Variants in NUDCD3 observed in about 807,000 individuals in gnomAD.
NUDCD3 encodes nudC domain-containing protein 3.
In NUDCD3, 13 loss-of-function variants were observed where a neutral mutation model predicts 39.7. That is an observed-to-expected ratio of 0.33 (90% CI 0.21 to 0.52). The LOEUF (loss-of-function observed/expected upper bound fraction) is 0.52. Among genes scored for constraint, NUDCD3 ranks in the 20% least tolerant of loss-of-function variants. NUDCD3 has a pLI of 0.96. For synonymous variants in NUDCD3, 175 were observed against 172.4 expected (o/e 1.02, Z -0.12); for missense variants, 453 against 458.1 (o/e 0.99, Z 0.10).
At position 44,440,496 on chromosome 7, in the gene NUDCD3, G is replaced by GAAAAAAAAAAAAAAAAAAAAAAAAAAA. The variant is rs72065068; in HGVS notation, c.510-12794_510-12793insTTTTTTTTTTTTTTTTTTTTTTTTTTT. ...AACTAGTGAGAAAACCAGAAAAATT[G>GAAAAAAAAAAAAAAAAAAAAAAAAAAA]AAAAAAAAAAAAAAAAAAAAGCCTG... On this transcript the variant is annotated intron_variant, in intron 2 of 5. Transcript: ENST00000355451. Among the ~76,000 whole-genome samples, 25 of 48,384 alleles carry GAAAAAAAAAAAAAAAAAAAAAAAAAAA rather than the reference G, an allele frequency of 5.2e-4. 2 individuals carry two copies. Among genetic ancestry groups the GAAAAAAAAAAAAAAAAAAAAAAAAAAA allele is most frequent in the South Asian group, 8.8e-4 (1 of 1,136 alleles). 31.7% of individuals were successfully genotyped at this position (48,384 alleles called of 152,430 possible).
At chr7:44,469,929 C>T (rs1800218454) in intron 2 of NUDCD3, among the ~76,000 whole-genome samples, 1 of 151,914 alleles carries the variant, frequency 6.6e-6, no homozygotes, top group African/African-American at 2.4e-5. Flanking sequence ...ATAAAGGAGA[C>T]TGAAGAGAGA....
At chr7:44,426,136 A>T (rs780847130) in intron 3 of NUDCD3, 3 of 985,474 alleles carry the variant, frequency 3.0e-6, no homozygotes, top group Non-Finnish European at 3.6e-6. Flanking sequence ...TGGGGCTTCA[A>T]TGGGTCTCAC....
chr7:44,478,596 C>A (rs542214114), intron 2 of NUDCD3, among the ~76,000 whole-genome samples: 6 of 152,142 alleles, frequency 3.9e-5, no homozygotes, highest in Non-Finnish European at 7.4e-5. Context: ...GGGGTGGGGG[C>A]ATTTCTGATC....
chr7:44,435,002 G>A, intron 2 of NUDCD3, among the ~76,000 whole-genome samples: 1 of 152,208 alleles, frequency 6.6e-6, no homozygotes, highest in Non-Finnish European at 1.5e-5. Flanking sequence ...AGAACTCACT[G>A]AGCAGCTTTT....
rs116819801 is a variant in NUDCD3, at chr7:44,483,670, C to T, written c.509+1298G>A. ...TGGACTTTAAGACTCTGCAATCTTG[C>T]CCCTCCTGTCTTTACAAAACTTATT... On this transcript the variant is annotated intron_variant, in intron 2 of 5. Transcript: ENST00000355451. 2.3e-3 allele frequency among the ~76,000 whole-genome samples: 350 copies of T among 152,256 alleles called. 3 individuals carry two copies. The highest frequency in any genetic ancestry group is 8.3e-3 in the African/African-American group (346 of 41,538).
intron 2 of NUDCD3, among the ~76,000 whole-genome samples, chr7:44,430,568 ACT>A (rs1554491041): frequency 0.029 from 3,691 of 128,074 alleles, 58 homozygotes; most frequent in Non-Finnish European, 0.038. Context: ...ACACACACAC[ACT>A]CACACACACA....
Position 44,385,980 on chromosome 7 carries a change from C to A in NUDCD3, c.*31G>T. The A allele has an allele frequency of 8.8e-7, 1 of 1,131,032 alleles. No homozygotes were observed. The highest frequency in any genetic ancestry group is 1.4e-6 in the Non-Finnish European group (1 of 739,948). The allele number at this position is 1,131,032 out of a possible 1,614,324, so 70.1% of individuals were successfully genotyped here. On this transcript the variant is annotated 3_prime_UTR_variant, in exon 6 of 6. Coordinates refer to ENST00000355451, the MANE Select transcript of NUDCD3 (RefSeq NM_015332.4). Reference sequence around the variant, plus strand: ...AGCCGAGGATAAGGCTCTGCCTCCCCACCGGCGAGGGTTTCCTTTCCTTCT... The same window carrying A: ...AGCCGAGGATAAGGCTCTGCCTCCCAACCGGCGAGGGTTTCCTTTCCTTCT...
chr7:44,483,401 A>AT (rs1475125769), intron 2 of NUDCD3, among the ~76,000 whole-genome samples: 6 of 152,210 alleles, frequency 3.9e-5, no homozygotes, highest in African/African-American at 9.7e-5. Context: ...AAATAAAGGC[A>AT]TTTTCAGACA....
intron 2 of NUDCD3, among the ~76,000 whole-genome samples, chr7:44,433,487 ATGTG>A (rs1437921235): frequency 6.6e-6 from 1 of 151,538 alleles, no homozygotes; most frequent in African/African-American, 2.4e-5. Flanking sequence ...TGTGCATGCA[ATGTG>A]TGTGTGGTGC....
intron 2 of NUDCD3, among the ~76,000 whole-genome samples, chr7:44,449,317 G>A (rs1276228835): frequency 6.6e-6 from 1 of 152,200 alleles, no homozygotes; most frequent in African/African-American, 2.4e-5. Context: ...TCAAATATCA[G>A]AGGAGATCAA....
chr7:44,393,154 C>A (rs987572718), intron 4 of NUDCD3, among the ~76,000 whole-genome samples: 1 of 152,026 alleles, frequency 6.6e-6, no homozygotes, highest in African/African-American at 2.4e-5. Context: ...AGCCCCATTC[C>A]CTAAAGTTCT....
intron 3 of NUDCD3, among the ~76,000 whole-genome samples, chr7:44,421,848 C>A (rs1045616763): frequency 1.3e-5 from 2 of 152,142 alleles, no homozygotes; most frequent in African/African-American, 4.8e-5. Context: ...CTTCTCAGCA[C>A]CACATAGCAC....
At chr7:44,438,526 T>G (rs765649448) in intron 2 of NUDCD3, among the ~76,000 whole-genome samples, 1 of 152,062 alleles carries the variant, frequency 6.6e-6, no homozygotes, top group Non-Finnish European at 1.5e-5. Flanking sequence ...CTTGTAGACG[T>G]TGCACCAATC....
intron 2 of NUDCD3, among the ~76,000 whole-genome samples, chr7:44,428,621 A>G (rs1303416999): frequency 6.6e-6 from 1 of 152,224 alleles, no homozygotes; most frequent in Non-Finnish European, 1.5e-5. Context: ...AAAAAACTCA[A>G]TCAAGCAAAT....
At chr7:44,404,081 G>A (rs1365400478) in intron 4 of NUDCD3, among the ~76,000 whole-genome samples, 1 of 152,180 alleles carries the variant, frequency 6.6e-6, no homozygotes, top group African/African-American at 2.4e-5. Flanking sequence ...CCAGCAGCTG[G>A]CTAAGGACAG....
Position 44,468,744 on chromosome 7 carries a change from C to T in NUDCD3, c.509+16224G>A, listed in dbSNP as rs918451492. Among the ~76,000 whole-genome samples the T allele has an allele frequency of 3.9e-5, 6 of 152,168 alleles. No individual in the cohort carries two copies. In the South Asian group the frequency reaches 1.2e-3, roughly 32 times the overall value. On this transcript the variant is annotated intron_variant, in intron 2 of 5. Transcript: ENST00000355451. ...CTTGGAGAAAGGGTCCATTCCACAG[C>T]CAGGGCAGGAGAAGAATTCAAACCT...
intron 4 of NUDCD3, among the ~76,000 whole-genome samples, chr7:44,395,616 T>C (rs943090999): frequency 6.6e-6 from 1 of 152,250 alleles, no homozygotes; most frequent in Admixed American, 6.5e-5. Flanking sequence ...CTACTAATGA[T>C]TCTGCCTCTA....
At chr7:44,462,945 C>CTGTGTGTGTGTGTGTG (rs3138779) in intron 2 of NUDCD3, among the ~76,000 whole-genome samples, 119 of 146,786 alleles carry the variant, frequency 8.1e-4, no homozygotes, top group African/African-American at 2.8e-3. Flanking sequence ...CACAACCAGG[C>CTGTGTGTGTGTGTGTG]TGTGTGTGTG....
chr7:44,462,972 TG>T, intron 2 of NUDCD3, among the ~76,000 whole-genome samples: 1 of 151,608 alleles, frequency 6.6e-6, no homozygotes, highest in Non-Finnish European at 1.5e-5. Context: ...TGTGTGTGTG[TG>T]TGTGTGTGTG....
Sources: allele counts gnomAD v4.1 joint callset (sites outside exome capture counted in the v4.1 genomes callset), GRCh38; gene constraint gnomAD v4.1.1; transcripts MANE v1.5; gene names NCBI Gene and HGNC (gene_info 2026-07-23, HGNC 2026-07-21).